OR2L2: variants seen among roughly 807,000 people sequenced by gnomAD.
OR2L2 encodes olfactory receptor family 2 subfamily L member 2.
For missense variants in OR2L2, 378 were observed against 375.2 expected (o/e 1.01, Z -0.06); for synonymous variants, 156 against 135.4 (o/e 1.15, Z -1.06).
rs752691335 is a variant in OR2L2 at position 248,038,743 on chromosome 1, C to T, written c.476C>T (p.Thr159Ile). 2 of 1,614,004 alleles carry T rather than the reference C, an allele frequency of 1.2e-6. No individual in the cohort carries two copies. The highest frequency in any genetic ancestry group is 2.2e-5 in the East Asian group (1 of 44,902). Residue 159 changes from threonine (T) to isoleucine (I), a missense_variant, in exon 3 of 3, where the codon ACA becomes ATA. Thr to Ile is a moderately conservative substitution (Grantham distance 89). Coordinates refer to ENST00000641771, the MANE Select transcript of OR2L2 (RefSeq NM_001385855.1). ...AGCTCTATCAACTCTTGTGCTCACACAGTATATGCACTCTGTATCCCATAT... is the reference window on the plus strand; with the variant it reads ...AGCTCTATCAACTCTTGTGCTCACATAGTATATGCACTCTGTATCCCATAT... ...MISSINSCAH[T>I]VYALCIPYCK...
At position 248,038,988 on chromosome 1, in the gene OR2L2, A is replaced by T; in HGVS notation, c.721A>T (p.Ser241Cys). ...EGRKKAYSTC[S>C]THLTVVSFYY... ...GAGGAAGAAGGCCTATTCAACCTGTAGCACCCACCTCACTGTAGTGTCCTT... is the reference window on the plus strand; with the variant it reads ...GAGGAAGAAGGCCTATTCAACCTGTTGCACCCACCTCACTGTAGTGTCCTT... Residue 241 changes from serine to cysteine, a missense_variant, in exon 3 of 3, where the codon AGC (serine) becomes TGC (cysteine). Ser to Cys is a moderately radical substitution (Grantham distance 112). Coordinates refer to ENST00000641771, the MANE Select transcript of OR2L2 (RefSeq NM_001385855.1). 1 of 1,614,080 alleles carries T rather than the reference A, an allele frequency of 6.2e-7. No individual in the cohort carries two copies. The highest frequency in any genetic ancestry group is 1.6e-4 in the Middle Eastern group (1 of 6,062).
chr1:248,037,434 T>C (rs1005916909), intron 2 of OR2L2, among the ~76,000 whole-genome samples: 1 of 152,184 alleles, frequency 6.6e-6, no homozygotes, highest in Non-Finnish European at 1.5e-5. Context: ...GCGTATGTTT[T>C]AAGCATAGCA....
chr1:248,037,538 T>C (rs566666415), intron 2 of OR2L2, among the ~76,000 whole-genome samples: 28 of 152,330 alleles, frequency 1.8e-4, no homozygotes, highest in Non-Finnish European at 3.8e-4. Context: ...TAAATGTATA[T>C]ATTTCTTAGA....
chr1:248,034,464 T>C (rs1572686903), intron 1 of OR2L2, among the ~76,000 whole-genome samples: 1 of 152,242 alleles, frequency 6.6e-6, no homozygotes, highest in Non-Finnish European at 1.5e-5. Context: ...TAAGGTCCTT[T>C]GAAATTCCAT....
At position 248,038,230 on chromosome 1, in the gene OR2L2, C is replaced by T. The variant is rs750573215; in HGVS notation, c.-21-17C>T. Reference sequence around the variant, plus strand: ...AGTGAATTACTGTTCTTAATTTACCCTTTTGTCTCCCTTCAGGATGGATTG... The same window carrying T: ...AGTGAATTACTGTTCTTAATTTACCTTTTTGTCTCCCTTCAGGATGGATTG... On this transcript the variant is annotated splice_polypyrimidine_tract_variant and intron_variant, in intron 2 of 2. Transcript: ENST00000641771. The T allele has an allele frequency of 4.3e-6, 6 of 1,404,266 alleles. No individual in the cohort carries two copies. Among genetic ancestry groups the T allele is most frequent in the Non-Finnish European group, 5.9e-6 (6 of 1,012,682 alleles). The allele number at this position is 1,404,266 out of a possible 1,614,324, so 87.0% of individuals were successfully genotyped here.
At chr1:248,033,446 T>C (rs979838312) in intron 1 of OR2L2, among the ~76,000 whole-genome samples, 1 of 150,122 alleles carries the variant, frequency 6.7e-6, no homozygotes, top group Non-Finnish European at 1.5e-5. Flanking sequence ...TTCTCCTTCA[T>C]TTTTTTTTGA....
At position 248,033,609 on chromosome 1, in the gene OR2L2, G is replaced by T. The variant is rs1463879736; in HGVS notation, c.-96-1941G>T. 5.1e-5 allele frequency among the ~76,000 whole-genome samples: 7 copies of T among 136,210 alleles called. No individual in the cohort carries two copies. In the East Asian group the frequency reaches 6.4e-4, roughly 12 times the overall value. 89.4% of individuals were successfully genotyped at this position (136,210 alleles called of 152,430 possible). A position where few individuals can be genotyped will look rare whatever the true frequency, so the allele number is the denominator to read the frequency against. The stretch of plus-strand genomic sequence containing the variant: ...GAGCCACCACACCTGGCTAATTTTT[G>T]TTTTTTTTTTTTTGTACAGACAGGA... On this transcript the variant is annotated intron_variant, in intron 1 of 2. Coordinates refer to ENST00000641771, the MANE Select transcript of OR2L2 (RefSeq NM_001385855.1).
At position 248,038,468 on chromosome 1, in the gene OR2L2, C is replaced by T. The variant is rs766982056; in HGVS notation, c.201C>T (p.Leu67=). 6.2e-7 allele frequency: 1 copy of T among 1,613,886 alleles called. No individual in the cohort carries two copies. Among genetic ancestry groups the T allele is most frequent in the South Asian group, 1.1e-5 (1 of 91,062 alleles). ...PMYFLLSQLS[L]IDLNYISTIV... ...ATTTCCTACTTAGTCAGCTCTCCCT[C>T]ATTGACCTAAATTACATCTCCACCA... Residue 67 remains leucine (L), a synonymous_variant, in exon 3 of 3, where the codon CTC becomes CTT. Coordinates refer to ENST00000641771, the MANE Select transcript of OR2L2 (RefSeq NM_001385855.1).
chr1:248,030,829 G>C (rs548574804), intron 1 of OR2L2, among the ~76,000 whole-genome samples: 3 of 152,262 alleles, frequency 2.0e-5, no homozygotes, highest in African/African-American at 7.2e-5. Context: ...GCACGTGCCA[G>C]TGTGTGGAGA....
chr1:248,031,959 G>A lies in OR2L2; in HGVS notation c.-97+1724G>A, dbSNP rs1486533993. On this transcript the variant is annotated intron_variant, in intron 1 of 2. Transcript: ENST00000641771. ...GGATAATAACTCTCATGGAAAGTTT[G>A]TCATCGACTGCCCTATATAAAATAC... Among the ~76,000 whole-genome samples the A allele has an allele frequency of 2.6e-5, 4 of 151,958 alleles. No homozygotes were observed. The East Asian group carries it at 7.7e-4, about 29-fold the overall frequency.
Position 248,038,581 on chromosome 1 carries a change from CT to C in OR2L2, c.317del (p.Leu106Ter), listed in dbSNP as rs771266420. 1.6e-5 allele frequency: 26 copies of C among 1,614,190 alleles called. No homozygotes were observed. Among genetic ancestry groups the C allele is most frequent in the Non-Finnish European group, 2.1e-5 (25 of 1,180,034 alleles). ...GCGIQSFFFL[T>X]LAVAEGLLLT... ...GGGATTCAGAGTTTCTTCTTCTTGACTTTAGCAGTTGCAGAAGGGCTGCTCC... is the reference window on the plus strand; with the variant it reads ...GGGATTCAGAGTTTCTTCTTCTTGACTTAGCAGTTGCAGAAGGGCTGCTCC... On this transcript the variant is annotated frameshift_variant, in exon 3 of 3. Transcript: ENST00000641771. LOFTEE classifies it low-confidence loss of function (END_TRUNC).
intron 1 of OR2L2, among the ~76,000 whole-genome samples, chr1:248,033,691 C>T (rs564256801): frequency 6.6e-6 from 1 of 151,868 alleles, no homozygotes; most frequent in South Asian, 2.1e-4. Flanking sequence ...ATTCTGCCTG[C>T]CTTAGCCTCC....
Position 248,041,657 on chromosome 1 carries a change from T to G in OR2L2, c.*2451T>G, listed in dbSNP as rs1227127738. The G allele has an allele frequency of 6.6e-6, 1 of 151,812 alleles. No homozygotes were observed. Among genetic ancestry groups the G allele is most frequent in the Admixed American group, 6.6e-5 (1 of 15,244 alleles). The allele number at this position is 151,812 out of a possible 1,614,324, so 9.4% of individuals were successfully genotyped here. On this transcript the variant is annotated 3_prime_UTR_variant, in exon 3 of 3. Coordinates refer to ENST00000641771, the MANE Select transcript of OR2L2 (RefSeq NM_001385855.1). ...GAATCTACAATGAACTCAAACAAAC[T>G]TACAAGAAAAAAACAAACAACCCCA... is the stretch of plus-strand genomic sequence containing the variant.
chr1:248,032,301 TTTTA>T (rs949737526), intron 1 of OR2L2, among the ~76,000 whole-genome samples: 11 of 152,166 alleles, frequency 7.2e-5, no homozygotes, highest in Admixed American at 2.0e-4. Flanking sequence ...TTTTATTATT[TTTTA>T]TTTCTTATTT....
chr1:248,037,164 T>C (rs1371033602), intron 2 of OR2L2, among the ~76,000 whole-genome samples: 3 of 152,162 alleles, frequency 2.0e-5, no homozygotes, highest in Non-Finnish European at 4.4e-5. Flanking sequence ...AAAAAGGTAC[T>C]TAAAATAACA....
rs1662881593 is a variant in OR2L2, at chr1:248,039,409, G to C, written c.*203G>C. 2.5e-6 allele frequency: 1 copy of C among 396,896 alleles called. No individual in the cohort carries two copies. The highest frequency in any genetic ancestry group is 4.4e-6 in the Non-Finnish European group (1 of 228,630). The allele number at this position is 396,896 out of a possible 1,614,324, so 24.6% of individuals were successfully genotyped here. A position where few individuals can be genotyped will look rare whatever the true frequency, so the allele number is the denominator to read the frequency against. ...ATCTATTTTGATTTTGTTTGTGTGT[G>C]GTTTTTGTTTGTTTGTTTGTTTGTC... On this transcript the variant is annotated 3_prime_UTR_variant, in exon 3 of 3. Coordinates refer to ENST00000641771, the MANE Select transcript of OR2L2 (RefSeq NM_001385855.1).
chr1:248,034,763 T>C (rs1461190594), intron 1 of OR2L2, among the ~76,000 whole-genome samples: 2 of 152,208 alleles, frequency 1.3e-5, no homozygotes, highest in Non-Finnish European at 2.9e-5. Flanking sequence ...ACAATCTCAT[T>C]TTTAGATTGT....
intron 1 of OR2L2, among the ~76,000 whole-genome samples, chr1:248,031,634 A>G (rs1364406945): frequency 1.3e-5 from 2 of 152,088 alleles, no homozygotes; most frequent in Non-Finnish European, 2.9e-5. Flanking sequence ...AATTGAGGCA[A>G]TCTCCTAGTG....
intron 2 of OR2L2, chr1:248,038,037 G>T: frequency 2.5e-6 from 1 of 406,858 alleles, no homozygotes; most frequent in Non-Finnish European, 4.4e-6. Flanking sequence ...AGTTGTAATT[G>T]TTCTATTTTA....
Sources: allele counts gnomAD v4.1 joint callset (sites outside exome capture counted in the v4.1 genomes callset), GRCh38; gene constraint gnomAD v4.1.1; transcripts MANE v1.5; gene names NCBI Gene and HGNC (gene_info 2026-07-23, HGNC 2026-07-21).